The following HTT variants were observed in gnomAD, a reference collection of about 807,000 sequenced individuals.
The protein encoded by HTT is huntingtin.
A neutral mutation model predicts 362.3 loss-of-function variants in HTT; 104 were observed. The ratio of observed to expected loss-of-function variants is 0.29; its 90% CI spans 0.24 to 0.34. HTT has a LOEUF of 0.34. Ranked by LOEUF, HTT falls within the 10% of genes least tolerant of loss-of-function variation. The probability of loss-of-function intolerance (pLI) is 1.00; values close to 1 mark genes in which losing one functional copy is unlikely to be tolerated. For synonymous variants in HTT, 1,577 were observed against 1,548.7 expected, an observed-to-expected ratio of 1.02 and a Z score of -0.43; for missense variants, 3,301 against 3,928.6, an observed-to-expected ratio of 0.84 and a Z score of 4.27.
chr4:3,222,334 G>T (rs1448746292), intron 53 of HTT, 53 bp from the exon 54 acceptor site: 3 of 1,514,920 alleles, frequency 2.0e-6, no homozygotes, highest in Non-Finnish European at 2.7e-6. Context: ...TCAGCTCTCC[G>T]TTACAGGCTT....
chr4:3,102,764 C>G (rs1314371948), intron 3 of HTT, among the ~76,000 whole-genome samples: 2 of 152,238 alleles, frequency 1.3e-5, no homozygotes, highest in Non-Finnish European at 2.9e-5. Context: ...AGTGGGGCAC[C>G]AAAGTCTTCC....
At position 3,113,123 on chromosome 4, in the gene HTT, C is replaced by G. The variant is rs550972574; in HGVS notation, c.748-2181C>G. The G allele has an allele frequency of 1.7e-5, 10 of 581,128 alleles. No individual in the cohort carries two copies. In the East Asian group the frequency reaches 1.3e-3, roughly 75 times the overall value. 36.0% of individuals were successfully genotyped at this position (581,128 alleles called of 1,614,324 possible). A position where few individuals can be genotyped will look rare whatever the true frequency, so the allele number is the denominator to read the frequency against. On this transcript the variant is annotated intron_variant, in intron 6 of 66. Coordinates refer to ENST00000355072, the MANE Select transcript of HTT (RefSeq NM_001388492.1). ...ACAGTATGCCTCCTCTGTGTTTGAA[C>G]AGTTGTAGCGTGGCCTTGGGGCCTC...
rs555027691 is a variant in HTT, at chr4:3,228,552, C to G, written c.7849-63C>G. On this transcript the variant is annotated intron_variant, in intron 57 of 66. Coordinates refer to ENST00000355072, the MANE Select transcript of HTT (RefSeq NM_001388492.1). This position sits in a 1 kb window ranked among gnomAD's most constrained non-coding sequence, Gnocchi z 4.3. The stretch of plus-strand genomic sequence containing the variant: ...CATGTGCTGAGTCCCAGTGGCCACA[C>G]CCACCCACCAGGAGCCTGGCACTGT... The G allele has an allele frequency of 6.7e-7, 1 of 1,503,522 alleles. No homozygotes were observed. The highest frequency in any genetic ancestry group is 1.4e-5 in the South Asian group (1 of 73,028). The allele number at this position is 1,503,522 out of a possible 1,614,324, so 93.1% of individuals were successfully genotyped here. A position where few individuals can be genotyped will look rare whatever the true frequency, so the allele number is the denominator to read the frequency against.
rs371891121 is a variant in HTT at position 3,223,552 on chromosome 4, C to T, written c.7617C>T (p.Leu2539=). The T allele has an allele frequency of 1.4e-5, 22 of 1,607,546 alleles. No homozygotes were observed. The highest frequency in any genetic ancestry group is 1.7e-4 in the Middle Eastern group (1 of 6,050). ...QQPRNKPLKA[L]DTRFGRKLSI... ...CCCGGAACAAGCCTCTGAAAGCTCT[C>T]GACACCAGGTTTGCTTGAGTTCCCA... Residue 2539 remains leucine (L), a synonymous_variant, in exon 55 of 67, where the codon CTC becomes CTT. Coordinates refer to ENST00000355072, the MANE Select transcript of HTT (RefSeq NM_001388492.1).
At chr4:3,141,907 G>A (rs1461630952) in intron 22 of HTT, among the ~76,000 whole-genome samples, 1 of 152,200 alleles carries the variant, frequency 6.6e-6, no homozygotes, top group Non-Finnish European at 1.5e-5. Context: ...ACTCCTTTAA[G>A]ATAAGTAGAA....
Position 3,233,158 on chromosome 4 carries a change from C to A in HTT, c.8266-5C>A. On this transcript the variant is annotated splice_region_variant and splice_polypyrimidine_tract_variant and intron_variant, in intron 60 of 66. Coordinates refer to ENST00000355072, the MANE Select transcript of HTT (RefSeq NM_001388492.1). ...ATGCAGCAGCTTTTGTCTGTGTGTGCCTAGGACAAGGCCGTGGCGGAGCCT... is the reference window on the plus strand; with the variant it reads ...ATGCAGCAGCTTTTGTCTGTGTGTGACTAGGACAAGGCCGTGGCGGAGCCT... 6.3e-7 allele frequency: 1 copy of A among 1,577,784 alleles called. No homozygotes were observed. Among genetic ancestry groups the A allele is most frequent in the Non-Finnish European group, 8.7e-7 (1 of 1,152,894 alleles).
intron 3 of HTT, among the ~76,000 whole-genome samples, chr4:3,101,237 G>A (rs148839498): frequency 2.0e-5 from 3 of 152,302 alleles, no homozygotes; most frequent in Admixed American, 1.3e-4. Context: ...GCTGGACACA[G>A]TGGCTTGGTG....
intron 26 of HTT, among the ~76,000 whole-genome samples, chr4:3,150,063 C>A (rs1247645992): frequency 1.3e-5 from 2 of 152,152 alleles, no homozygotes; most frequent in Non-Finnish European, 2.9e-5. Context: ...CTTGCCACTC[C>A]CCAGTCACTG....
chr4:3,238,004 T>C (rs1446527493), intron 64 of HTT, among the ~76,000 whole-genome samples: 3 of 152,226 alleles, frequency 2.0e-5, no homozygotes, highest in Admixed American at 1.3e-4. Flanking sequence ...ACGGGTTCTT[T>C]TGTTATGATT....
At chr4:3,086,554 C>T (rs973521497) in intron 1 of HTT, among the ~76,000 whole-genome samples, 5 of 152,098 alleles carry the variant, frequency 3.3e-5, no homozygotes, top group South Asian at 2.1e-4. Flanking sequence ...GCCTGTGGTC[C>T]GCGCCACTCA....
chr4:3,085,692 T>C (rs1317556586), intron 1 of HTT, among the ~76,000 whole-genome samples: 2 of 152,256 alleles, frequency 1.3e-5, no homozygotes, highest in African/African-American at 4.8e-5. Flanking sequence ...CAAAATGAGA[T>C]AGCAAGGCAG....
rs755989079 is a variant in HTT at position 3,240,306 on chromosome 4, G to A, written c.*247G>A. The A allele has an allele frequency of 1.4e-5, 8 of 567,550 alleles. No individual in the cohort carries two copies. The highest frequency in any genetic ancestry group is 2.2e-5 in the Non-Finnish European group (7 of 317,000). The allele number at this position is 567,550 out of a possible 1,614,324, so 35.2% of individuals were successfully genotyped here. A position where few individuals can be genotyped will look rare whatever the true frequency, so the allele number is the denominator to read the frequency against. ...GGCCTTCCAGAAAGCAGGAGCAGCT[G>A]TGCTGCACCCCATGTGGGTGACCAG... On this transcript the variant is annotated 3_prime_UTR_variant, in exon 67 of 67. Transcript: ENST00000355072.
chr4:3,099,254 T>C lies in HTT; in HGVS notation c.348-20T>C, dbSNP rs778623272. ...TCACCTTAGGCTCCTCTTGACAGTT[T>C]CTCTTCTTTTTTTGCTTAGAAATTC... On this transcript the variant is annotated intron_variant, in intron 2 of 66. Coordinates refer to ENST00000355072, the MANE Select transcript of HTT (RefSeq NM_001388492.1). The C allele has an allele frequency of 1.3e-6, 2 of 1,587,936 alleles. No individual in the cohort carries two copies. Among genetic ancestry groups the C allele is most frequent in the East Asian group, 2.2e-5 (1 of 44,788 alleles).
At position 3,074,938 on chromosome 4, in the gene HTT, AG is replaced by A. The variant is rs1560535226; in HGVS notation, c.114del (p.Gln38HisfsTer63). The A allele has an allele frequency of 3.4e-4, 430 of 1,271,404 alleles. 1 individual carries two copies. Among genetic ancestry groups the A allele is most frequent in the African/African-American group, 2.8e-3 (147 of 53,118 alleles). The allele number at this position is 1,271,404 out of a possible 1,614,324, so 78.8% of individuals were successfully genotyped here. A position where few individuals can be genotyped will look rare whatever the true frequency, so the allele number is the denominator to read the frequency against. On this transcript the variant is annotated frameshift_variant, in exon 1 of 67. Coordinates refer to ENST00000355072, the MANE Select transcript of HTT (RefSeq NM_001388492.1). LOFTEE classifies it high-confidence loss of function. Reference protein sequence around the residue: ...QQQQQQQQQQQPPPPPPPPPP... With the variant: ...QQQQQQQQQQXPPPPPPPPPP... ...CAGCAGCAGCAGCAGCAGCAGCAACAGCCGCCACCGCCGCCGCCGCCGCCGC... is the reference window on the plus strand; with the variant it reads ...CAGCAGCAGCAGCAGCAGCAGCAACACCGCCACCGCCGCCGCCGCCGCCGC...
rs912830347 is a variant in HTT at position 3,133,407 on chromosome 4, G to C, written c.2493+496G>C. Among the ~76,000 whole-genome samples, 3 of 151,704 alleles carry C rather than the reference G, an allele frequency of 2.0e-5. No homozygotes were observed. In the East Asian group the frequency reaches 5.8e-4, roughly 29 times the overall value. ...ACTCGGGAAGCTGAGGTGGAGGGGG[G>C]ATTGCTTGAGCCCCAGAGATCAAGG... On this transcript the variant is annotated intron_variant, in intron 18 of 66. Transcript: ENST00000355072.
chr4:3,226,561 G>T (rs1471275674), intron 57 of HTT, among the ~76,000 whole-genome samples: 1 of 152,248 alleles, frequency 6.6e-6, no homozygotes, highest in Non-Finnish European at 1.5e-5. Context: ...GCGGGGCCCG[G>T]CTGTGCTGGC....
intron 56 of HTT, among the ~76,000 whole-genome samples, chr4:3,225,139 G>A (rs552509165): frequency 6.6e-6 from 1 of 151,894 alleles, no homozygotes; most frequent in East Asian, 1.9e-4. Flanking sequence ...GACATGAGGA[G>A]GCTGGCCTGG....
At chr4:3,118,378 T>G (rs1715132215) in intron 8 of HTT, among the ~76,000 whole-genome samples, 1 of 152,196 alleles carries the variant, frequency 6.6e-6, no homozygotes, top group Non-Finnish European at 1.5e-5. Context: ...CTAAACCGTT[T>G]AGCAAGGTTG....
At chr4:3,229,281 C>T (rs199581280) in intron 59 of HTT, among the ~76,000 whole-genome samples, 4 of 117,328 alleles carry the variant, frequency 3.4e-5, no homozygotes, top group Non-Finnish European at 7.2e-5. Flanking sequence ...GCCACATGCA[C>T]ACACACTCCA....
Sources: allele counts gnomAD v4.1 joint callset (sites outside exome capture counted in the v4.1 genomes callset), GRCh38; gene constraint gnomAD v4.1.1; non-coding constraint Gnocchi (gnomAD v3.1); transcripts MANE v1.5; gene names NCBI Gene and HGNC (gene_info 2026-07-23, HGNC 2026-07-21).